Variants in SYN3 observed in about 807,000 individuals in gnomAD.
SYN3 encodes the protein synapsin III.
In SYN3, 35 loss-of-function variants were observed where a neutral mutation model predicts 65.8. The ratio of observed to expected loss-of-function variants is 0.53; its 90% CI spans 0.41 to 0.70. The LOEUF (loss-of-function observed/expected upper bound fraction) is 0.70. SYN3 is among the 30% of genes least tolerant of loss of function. The pLI, the probability that SYN3 is intolerant of heterozygous loss-of-function variation, is 0.00. For synonymous variants in SYN3, 270 were observed against 292.9 expected (o/e 0.92, Z 0.80); for missense variants, 680 against 749.0 (o/e 0.91, Z 1.08).
chr22:32,787,008 C>T (rs1216418950), intron 6 of SYN3, among the ~76,000 whole-genome samples: 9 of 151,726 alleles, frequency 5.9e-5, no homozygotes, highest in African/African-American at 9.7e-5. Flanking sequence ...TCTACCCATA[C>T]TTCAGCATCC....
chr22:32,912,549 T>A (rs1031544698), intron 4 of SYN3, among the ~76,000 whole-genome samples: 8 of 151,730 alleles, frequency 5.3e-5, no homozygotes, highest in Non-Finnish European at 1.0e-4. Context: ...GACCCCCCCA[T>A]CTCTACTAAA....
At chr22:32,909,093 G>A (rs950104432) in intron 4 of SYN3, among the ~76,000 whole-genome samples, 1 of 152,128 alleles carries the variant, frequency 6.6e-6, no homozygotes, top group Non-Finnish European at 1.5e-5. Flanking sequence ...CCCTGGACTA[G>A]GCGGCATGCT....
At chr22:32,596,418 A>G (rs2059200696) in intron 7 of SYN3, among the ~76,000 whole-genome samples, 1 of 152,222 alleles carries the variant, frequency 6.6e-6, no homozygotes, top group Non-Finnish European at 1.5e-5. Flanking sequence ...CTTCAGTCGC[A>G]ATCATAGAGA....
At chr22:32,698,428 A>G (rs2060767248) in intron 6 of SYN3, among the ~76,000 whole-genome samples, 1 of 152,100 alleles carries the variant, frequency 6.6e-6, no homozygotes, top group African/African-American at 2.4e-5. Context: ...CTACCTGTTC[A>G]TCTCCCATAA....
Position 32,598,968 on chromosome 22 carries a change from T to C in SYN3, c.712-2232A>G, listed in dbSNP as rs1411616474. Reference sequence around the variant, plus strand: ...TGAAAGAACCTCATCAGTTACCTTATTGATTGATATATATATCAATTACCT... The same window carrying C: ...TGAAAGAACCTCATCAGTTACCTTACTGATTGATATATATATCAATTACCT... On this transcript the variant is annotated intron_variant, in intron 6 of 13. Transcript: ENST00000358763. Among the ~76,000 whole-genome samples, 3 of 152,166 alleles carry C rather than the reference T, an allele frequency of 2.0e-5. No individual in the cohort carries two copies. The South Asian group carries it at 6.2e-4, about 32-fold the overall frequency.
At chr22:32,872,796 T>C (rs1194329009) in intron 4 of SYN3, among the ~76,000 whole-genome samples, 1 of 152,078 alleles carries the variant, frequency 6.6e-6, no homozygotes, top group African/African-American at 2.4e-5. Context: ...CATTTAAGGT[T>C]GTGACCTCCA....
chr22:32,865,193 AT>A (rs1456978116), intron 5 of SYN3, among the ~76,000 whole-genome samples, 189 bp from the exon 6 acceptor site: 2 of 152,200 alleles, frequency 1.3e-5, no homozygotes, highest in African/African-American at 4.8e-5. Context: ...ATCTAGCCAT[AT>A]TAACCCCTCC....
intron 6 of SYN3, among the ~76,000 whole-genome samples, chr22:32,613,226 G>T (rs5754171): frequency 0.25 from 38,018 of 151,476 alleles, 5,404 homozygotes; most frequent in Non-Finnish European, 0.32. Context: ...TTTAAATAAA[G>T]TACCCAGTCT....
chr22:32,933,755 T>A (rs2050699819), intron 3 of SYN3, among the ~76,000 whole-genome samples: 1 of 152,152 alleles, frequency 6.6e-6, no homozygotes, highest in African/African-American at 2.4e-5. Context: ...TGCTTTTAAC[T>A]GCCACACTCC....
chr22:32,791,866 T>C (rs1230721596), intron 6 of SYN3, among the ~76,000 whole-genome samples: 1 of 152,140 alleles, frequency 6.6e-6, no homozygotes, highest in Non-Finnish European at 1.5e-5. Flanking sequence ...GAATTAGTTA[T>C]GACTATCAAA....
At chr22:32,684,651 C>T (rs927784861) in intron 6 of SYN3, among the ~76,000 whole-genome samples, 28 of 152,308 alleles carry the variant, frequency 1.8e-4, no homozygotes, top group African/African-American at 6.0e-4. Flanking sequence ...GAACTCTGAG[C>T]CCTCAAGCAC....
rs138961578 is a variant in SYN3 at position 32,837,097 on chromosome 22, A to G, written c.711+27818T>C. Among the ~76,000 whole-genome samples the G allele has an allele frequency of 1.3e-5, 2 of 152,354 alleles. No individual in the cohort carries two copies. The highest frequency in any genetic ancestry group is 2.9e-5 in the Non-Finnish European group (2 of 68,030). ...ACAAAATCCCAATTAGGAGAAAAAT[A>G]AAATGCTATAGATGGCTCCTGAGAT... On this transcript the variant is annotated intron_variant, in intron 6 of 13. Transcript: ENST00000358763. This position sits in a 1 kb window ranked among gnomAD's most constrained non-coding sequence, Gnocchi z 4.1.
At chr22:32,699,144 A>G (rs948429540) in intron 6 of SYN3, among the ~76,000 whole-genome samples, 3 of 152,196 alleles carry the variant, frequency 2.0e-5, no homozygotes, top group African/African-American at 7.2e-5. Context: ...AGCTTGGCGG[A>G]GCACATTGAC....
intron 6 of SYN3, among the ~76,000 whole-genome samples, chr22:32,791,988 T>A (rs1010634426): frequency 6.6e-6 from 1 of 152,190 alleles, no homozygotes; most frequent in South Asian, 2.1e-4. Context: ...GTCACTAGAC[T>A]ATAGGCTACT....
chr22:32,792,902 C>T (rs566773262), intron 6 of SYN3, among the ~76,000 whole-genome samples: 1 of 152,304 alleles, frequency 6.6e-6, no homozygotes, highest in East Asian at 1.9e-4. Context: ...TGGAAAGAGA[C>T]CCCTGCATCT....
At chr22:33,057,205 C>T (rs2054268346) in intron 1 of SYN3, among the ~76,000 whole-genome samples, 1 of 152,276 alleles carries the variant, frequency 6.6e-6, no homozygotes, top group African/African-American at 2.4e-5. Context: ...CCCAGAGCTG[C>T]CAGAGGGACC....
chr22:32,962,972 T>C (rs1263575068), intron 3 of SYN3, among the ~76,000 whole-genome samples: 2 of 150,944 alleles, frequency 1.3e-5, no homozygotes, highest in East Asian at 3.9e-4. Flanking sequence ...TATAAATGTA[T>C]ATATATAGAT....
At chr22:33,052,391 C>T (rs111733712) in intron 1 of SYN3, among the ~76,000 whole-genome samples, 5 of 152,066 alleles carry the variant, frequency 3.3e-5, no homozygotes, top group African/African-American at 1.2e-4. Flanking sequence ...AAAGAATCCT[C>T]CTCCTCCTCC....
intron 6 of SYN3, among the ~76,000 whole-genome samples, chr22:32,818,591 G>T (rs2047149310): frequency 6.6e-6 from 1 of 152,164 alleles, no homozygotes; most frequent in Non-Finnish European, 1.5e-5. Flanking sequence ...AGGGCTGGTG[G>T]ACTTAAAAGG....
Sources: allele counts gnomAD v4.1 joint callset (sites outside exome capture counted in the v4.1 genomes callset), GRCh38; gene constraint gnomAD v4.1.1; non-coding constraint Gnocchi (gnomAD v3.1); transcripts MANE v1.5; gene names NCBI Gene and HGNC (gene_info 2026-07-23, HGNC 2026-07-21).